Variants in CTNNA2 observed in about 807,000 individuals in gnomAD.
CTNNA2 encodes catenin alpha 2, also known as catenin alpha-2.
CTNNA2 carries 42 observed loss-of-function variants against 101.0 expected under a neutral mutation model. That is an observed-to-expected ratio of 0.42 (90% CI 0.32 to 0.54). The LOEUF (loss-of-function observed/expected upper bound fraction) is 0.54. Ranked by LOEUF, CTNNA2 falls within the 20% of genes least tolerant of loss-of-function variation. CTNNA2 has a pLI of 0.14. For missense variants in CTNNA2, 871 were observed against 1,223.1 expected (o/e 0.71, Z 4.29); for synonymous variants, 450 against 456.4 (o/e 0.99, Z 0.18).
intron 2 of CTNNA2, among the ~76,000 whole-genome samples, chr2:79,673,705 A>G (rs576636638): frequency 1.3e-5 from 2 of 151,894 alleles, no homozygotes; most frequent in Non-Finnish European, 2.9e-5. Flanking sequence ...AGAGAAAGAG[A>G]GTGTGTGTGT....
chr2:79,384,136 G>A (rs1020880787), intron 4 of CTNNA2, among the ~76,000 whole-genome samples: 1 of 152,186 alleles, frequency 6.6e-6, no homozygotes, highest in Non-Finnish European at 1.5e-5. Context: ...ATTTACTGAA[G>A]TTATGAAGAA....
chr2:80,251,289 G>C (rs973638345), intron 7 of CTNNA2, among the ~76,000 whole-genome samples: 1 of 152,102 alleles, frequency 6.6e-6, no homozygotes, highest in African/African-American at 2.4e-5. Context: ...GATGCCATTT[G>C]TTAAATAATG....
At chr2:79,329,036 T>C (rs2104416569) in intron 3 of CTNNA2, among the ~76,000 whole-genome samples, 1 of 152,342 alleles carries the variant, frequency 6.6e-6, no homozygotes, top group African/African-American at 2.4e-5. Flanking sequence ...GGACACTAGT[T>C]ATGCTGAGTT....
In CTNNA2 at chr2:79,734,919, C is replaced by T. The variant is rs142273858; in HGVS notation, c.103-9468C>T. Among the ~76,000 whole-genome samples the T allele has an allele frequency of 8.6e-3, 1,306 of 152,178 alleles. 17 individuals are homozygous for T. Among genetic ancestry groups the T allele is most frequent in the African/African-American group, 0.03 (1,239 of 41,540 alleles). ...ATCTCATCAATAACCTTAGAGAATA[C>T]ACAATGAGCATCCTATGACTTTGTG... On this transcript the variant is annotated intron_variant, in intron 2 of 18. Coordinates refer to ENST00000402739, the MANE Select transcript of CTNNA2 (RefSeq NM_001282597.3).
intron 2 of CTNNA2, among the ~76,000 whole-genome samples, chr2:79,705,639 C>T (rs1214034770): frequency 6.6e-6 from 1 of 152,130 alleles, no homozygotes; most frequent in Non-Finnish European, 1.5e-5. Context: ...ATGCTGGAGT[C>T]CAAGTCTTGA....
chr2:80,364,329 G>A (rs1197064113), intron 7 of CTNNA2, among the ~76,000 whole-genome samples: 1 of 151,804 alleles, frequency 6.6e-6, no homozygotes, highest in African/African-American at 2.4e-5. Flanking sequence ...CAATAGAAAG[G>A]GTCAATTTTA....
intron 7 of CTNNA2, among the ~76,000 whole-genome samples, chr2:79,980,480 G>A (rs987924401): frequency 6.6e-6 from 1 of 151,986 alleles, no homozygotes; most frequent in Non-Finnish European, 1.5e-5. Flanking sequence ...TCTTAGTGAT[G>A]CATTTCCTCT....
intron 2 of CTNNA2, among the ~76,000 whole-genome samples, chr2:79,686,585 C>T (rs1683945525): frequency 6.6e-6 from 1 of 151,842 alleles, no homozygotes; most frequent in Non-Finnish European, 1.5e-5. Flanking sequence ...TAAAATAGAG[C>T]CTTATAAATA....
intron 2 of CTNNA2, among the ~76,000 whole-genome samples, chr2:79,211,883 G>T (rs554869989): frequency 1.3e-5 from 2 of 152,170 alleles, no homozygotes; most frequent in South Asian, 2.1e-4. Context: ...CTTCGAGCGG[G>T]ATTAGGGGCG....
intron 2 of CTNNA2, among the ~76,000 whole-genome samples, chr2:79,268,690 T>C (rs970988966): frequency 6.6e-6 from 1 of 152,036 alleles, no homozygotes; most frequent in African/African-American, 2.4e-5. Flanking sequence ...TTGAACTGTG[T>C]TGGGAGGACA....
At chr2:79,254,383 A>T (rs143935371) in intron 2 of CTNNA2, among the ~76,000 whole-genome samples, 1 of 152,110 alleles carries the variant, frequency 6.6e-6, no homozygotes, top group Non-Finnish European at 1.5e-5. Flanking sequence ...TGAATGGTTT[A>T]GCACCATCCT....
intron 13 of CTNNA2, among the ~76,000 whole-genome samples, chr2:80,581,101 C>T (rs1207255645): frequency 6.6e-6 from 1 of 152,158 alleles, no homozygotes; most frequent in Non-Finnish European, 1.5e-5. Flanking sequence ...AATACATTGC[C>T]TAATCTTCAC....
chr2:80,460,885 A>G (rs1440142054), intron 9 of CTNNA2, among the ~76,000 whole-genome samples: 2 of 152,176 alleles, frequency 1.3e-5, no homozygotes, highest in African/African-American at 4.8e-5. Flanking sequence ...CAAGTTTCTG[A>G]TTCAGTATAT....
At chr2:79,975,007 A>G (rs925218801) in intron 7 of CTNNA2, among the ~76,000 whole-genome samples, 2 of 152,162 alleles carry the variant, frequency 1.3e-5, no homozygotes, top group African/African-American at 4.8e-5. Context: ...CAGAGTGTTC[A>G]GGAACATCAA....
chr2:79,963,225 A>G (rs1383460313), intron 7 of CTNNA2, among the ~76,000 whole-genome samples: 2 of 152,066 alleles, frequency 1.3e-5, no homozygotes, highest in Non-Finnish European at 2.9e-5. Flanking sequence ...TCCTATGCAT[A>G]TGTGTGTTCG....
chr2:80,361,390 G>A (rs1674393536), intron 7 of CTNNA2, among the ~76,000 whole-genome samples: 1 of 152,080 alleles, frequency 6.6e-6, no homozygotes, highest in African/African-American at 2.4e-5. Flanking sequence ...AAAATGGATT[G>A]TAGCTCACTG....
chr2:79,705,306 G>A (rs545173563), intron 2 of CTNNA2, among the ~76,000 whole-genome samples: 11 of 152,308 alleles, frequency 7.2e-5, no homozygotes, highest in Non-Finnish European at 1.5e-4. Context: ...TTTTGAGAAA[G>A]AGAGAGCGAG....
At chr2:79,949,727 AT>A (rs2104488009) in intron 7 of CTNNA2, among the ~76,000 whole-genome samples, 1 of 152,306 alleles carries the variant, frequency 6.6e-6, no homozygotes, top group Non-Finnish European at 1.5e-5. Context: ...GTAGGGACCC[AT>A]GATCACACCA....
intron 7 of CTNNA2, among the ~76,000 whole-genome samples, chr2:80,279,830 T>C (rs1327564903): frequency 6.6e-6 from 1 of 152,122 alleles, no homozygotes; most frequent in Non-Finnish European, 1.5e-5. Context: ...AATAGGTGAT[T>C]GTCTCACCCT....
Sources: gnomAD v4.1 joint callset for allele counts (sites outside exome capture counted in the v4.1 genomes callset) on GRCh38, gnomAD v4.1.1 for gene constraint, MANE v1.5 for transcripts, NCBI Gene and HGNC (gene_info 2026-07-23, HGNC 2026-07-21) for gene names.